Variants in EFR3B observed in about 807,000 individuals in gnomAD.
EFR3B encodes protein EFR3 homolog B.
Under a neutral mutation model 104.7 loss-of-function variants are expected in EFR3B, and 64 were observed. The observed-to-expected ratio is 0.61, with a 90% CI of 0.50 to 0.75. EFR3B has a LOEUF of 0.75. Among genes scored for constraint, EFR3B ranks in the 30% least tolerant of loss-of-function variants. The probability of loss-of-function intolerance (pLI) is 0.00; values close to 1 mark genes in which losing one functional copy is unlikely to be tolerated. For missense variants in EFR3B, 750 were observed against 1,078.5 expected, an observed-to-expected ratio of 0.70 and a Z score of 4.27; for synonymous variants, 385 against 417.9, an observed-to-expected ratio of 0.92 and a Z score of 0.96.
intron 1 of EFR3B, among the ~76,000 whole-genome samples, chr2:25,072,286 T>C (rs942808406): frequency 6.6e-6 from 1 of 152,126 alleles, no homozygotes; most frequent in Non-Finnish European, 1.5e-5. Context: ...TCTTTTCTTA[T>C]CTTTATCTTT....
chr2:25,144,110 T>C (rs921795620), intron 18 of EFR3B, among the ~76,000 whole-genome samples: 2 of 152,152 alleles, frequency 1.3e-5, no homozygotes, highest in Non-Finnish European at 2.9e-5. Flanking sequence ...AGAGGTTCCA[T>C]TGTGCTGGAA....
intron 1 of EFR3B, among the ~76,000 whole-genome samples, chr2:25,053,032 C>G (rs977769744): frequency 6.6e-6 from 1 of 152,182 alleles, no homozygotes; most frequent in Admixed American, 6.5e-5. Context: ...AGAGTGTGGA[C>G]TCAGCCTCCT....
chr2:25,065,854 T>C (rs1256183978), intron 1 of EFR3B, among the ~76,000 whole-genome samples: 2 of 152,008 alleles, frequency 1.3e-5, no homozygotes, highest in Non-Finnish European at 2.9e-5. Flanking sequence ...AATGGGCAGG[T>C]GCTGGGAGGC....
chr2:25,092,882 C>T (rs996232481), intron 2 of EFR3B, 121 bp from the exon 3 acceptor site: 26 of 1,261,962 alleles, frequency 2.1e-5, no homozygotes, highest in Middle Eastern at 2.5e-4. Context: ...ACATGTGCTC[C>T]GGCACATCCA....
At chr2:25,076,990 A>G (rs1459204234) in intron 1 of EFR3B, among the ~76,000 whole-genome samples, 1 of 152,082 alleles carries the variant, frequency 6.6e-6, no homozygotes, top group African/African-American at 2.4e-5. Context: ...TCCTTCCCCA[A>G]ATTCATTTTC....
chr2:25,131,626 G>C lies in EFR3B; in HGVS notation c.985+123G>C. The C allele has an allele frequency of 6.7e-7, 1 of 1,495,766 alleles. No individual in the cohort carries two copies. Among genetic ancestry groups the C allele is most frequent in the Non-Finnish European group, 9.0e-7 (1 of 1,116,402 alleles). 92.7% of individuals were successfully genotyped at this position (1,495,766 alleles called of 1,614,324 possible). A position where few individuals can be genotyped will look rare whatever the true frequency, so the allele number is the denominator to read the frequency against. On this transcript the variant is annotated intron_variant, in intron 9 of 22. Coordinates refer to ENST00000403714, the MANE Select transcript of EFR3B (RefSeq NM_014971.2). The surrounding 1 kb of genome is among the most constrained non-coding windows in gnomAD (Gnocchi z 7.6). ...GTTTTCCTCGGGAGAAGTCCGCCAG[G>C]AAGTTGGGAGCGCAGAGGAAGCCCA...
intron 4 of EFR3B, among the ~76,000 whole-genome samples, chr2:25,113,958 ATAAT>A (rs1669793588): frequency 6.6e-6 from 1 of 152,154 alleles, no homozygotes; most frequent in Non-Finnish European, 1.5e-5. Flanking sequence ...CACCCTACTA[ATAAT>A]TAGGATTCAA....
chr2:25,131,650 C>T lies in EFR3B; in HGVS notation c.986-100C>T. ...GGAAGTTGGGAGCGCAGAGGAAGCC[C>T]AGGCTGGAAGGGGGCGTGACCCTGC... On this transcript the variant is annotated intron_variant, in intron 9 of 22. Coordinates refer to ENST00000403714, the MANE Select transcript of EFR3B (RefSeq NM_014971.2). This position sits in a 1 kb window ranked among gnomAD's most constrained non-coding sequence, Gnocchi z 7.6. The T allele has an allele frequency of 1.3e-6, 2 of 1,488,332 alleles. No individual in the cohort carries two copies. The highest frequency in any genetic ancestry group is 1.8e-6 in the Non-Finnish European group (2 of 1,112,530). The allele number at this position is 1,488,332 out of a possible 1,614,324, so 92.2% of individuals were successfully genotyped here. A position where few individuals can be genotyped will look rare whatever the true frequency, so the allele number is the denominator to read the frequency against.
At chr2:25,100,497 A>G (rs921532499) in intron 3 of EFR3B, among the ~76,000 whole-genome samples, 1 of 151,528 alleles carries the variant, frequency 6.6e-6, no homozygotes, top group Admixed American at 6.6e-5. Context: ...CCTCCCCTGT[A>G]TTTTCTTTTT....
chr2:25,062,632 C>T lies in EFR3B; in HGVS notation c.7+20313C>T, dbSNP rs1007689254. On this transcript the variant is annotated intron_variant, in intron 1 of 22. Coordinates refer to ENST00000403714, the MANE Select transcript of EFR3B (RefSeq NM_014971.2). ...CTCATTGAGAACTGCTGGTCAGGGC[C>T]GCAGGCTACTAGACAACTTACGTGC... 9.9e-5 allele frequency among the ~76,000 whole-genome samples: 15 copies of T among 152,268 alleles called. No homozygotes were observed. The East Asian group carries it at 1.4e-3, about 14-fold the overall frequency.
chr2:25,111,465 A>G (rs1202523550), intron 4 of EFR3B, among the ~76,000 whole-genome samples: 1 of 151,074 alleles, frequency 6.6e-6, no homozygotes, highest in Non-Finnish European at 1.5e-5. Context: ...CAGGCCTGTC[A>G]CTCCACCTCT....
rs1669047351 is a variant in EFR3B at position 25,089,283 on chromosome 2, G to GT, written c.8-2041dup. On this transcript the variant is annotated intron_variant, in intron 1 of 22. Coordinates refer to ENST00000403714, the MANE Select transcript of EFR3B (RefSeq NM_014971.2). ...GGGGCACTGTGTGGAAGTTTCTACC[G>GT]TGAGTACCCAGGATGGTATTGAGCT... Among the ~76,000 whole-genome samples, 4 of 152,148 alleles carry GT rather than the reference G, an allele frequency of 2.6e-5. No individual in the cohort carries two copies. The South Asian group carries it at 8.3e-4, about 32-fold the overall frequency.
At chr2:25,144,802 G>A (rs911589433) in intron 18 of EFR3B, among the ~76,000 whole-genome samples, 158 bp from the exon 19 acceptor site, 9 of 152,148 alleles carry the variant, frequency 5.9e-5, no homozygotes, top group African/African-American at 1.7e-4. Context: ...CACAGCAATC[G>A]GAAGCTTCTA....
rs183888976 is a variant in EFR3B, at chr2:25,068,639, T to G, written c.8-22686T>G. Among the ~76,000 whole-genome samples the G allele has an allele frequency of 5.3e-3, 802 of 151,882 alleles. 7 individuals carry two copies. Among genetic ancestry groups the G allele is most frequent in the African/African-American group, 0.019 (769 of 41,430 alleles). On this transcript the variant is annotated intron_variant, in intron 1 of 22. Transcript: ENST00000403714. ...TCACTTTTGTTTTTTTTATGTTTTT[T>G]TTTTTTTTGAGACAGATTCTCGCTC...
At chr2:25,055,661 C>T (rs1667997285) in intron 1 of EFR3B, among the ~76,000 whole-genome samples, 1 of 152,180 alleles carries the variant, frequency 6.6e-6, no homozygotes, top group Non-Finnish European at 1.5e-5. Context: ...ATTGCATGAA[C>T]AATAATCCCT....
At chr2:25,132,573 C>G (rs1488010283) in intron 10 of EFR3B, among the ~76,000 whole-genome samples, 1 of 152,024 alleles carries the variant, frequency 6.6e-6, no homozygotes, top group Non-Finnish European at 1.5e-5. Context: ...AAGCACCCAA[C>G]GAGAACTCGG....
chr2:25,137,999 C>T lies in EFR3B; in HGVS notation c.1722+497C>T, dbSNP rs1190896555. 6.6e-6 allele frequency among the ~76,000 whole-genome samples: 1 copy of T among 152,000 alleles called. No homozygotes were observed. Among genetic ancestry groups the T allele is most frequent in the Non-Finnish European group, 1.5e-5 (1 of 68,008 alleles). ...CCAGCCTGGCCAACATGGTGAAACC[C>T]CGTCTCCACTAAAAATACAAAAATT... On this transcript the variant is annotated intron_variant, in intron 15 of 22. Coordinates refer to ENST00000403714, the MANE Select transcript of EFR3B (RefSeq NM_014971.2). The surrounding 1 kb of genome is among the most constrained non-coding windows in gnomAD (Gnocchi z 4.7).
intron 4 of EFR3B, among the ~76,000 whole-genome samples, chr2:25,104,872 C>T (rs997614585): frequency 6.6e-5 from 10 of 152,150 alleles, no homozygotes; most frequent in South Asian, 2.1e-4. Flanking sequence ...CAAATGGCTG[C>T]GGTCGTGGGA....
chr2:25,043,477 G>GC (rs1342326428), intron 1 of EFR3B, among the ~76,000 whole-genome samples: 1 of 152,158 alleles, frequency 6.6e-6, no homozygotes, highest in Middle Eastern at 3.2e-3. Flanking sequence ...CAATTGGTGG[G>GC]CCCCCCTACT....
Sources: gnomAD v4.1 joint callset for allele counts (sites outside exome capture counted in the v4.1 genomes callset) on GRCh38, gnomAD v4.1.1 for gene constraint, Gnocchi (gnomAD v3.1) non-coding constraint, MANE v1.5 for transcripts, NCBI Gene and HGNC (gene_info 2026-07-23, HGNC 2026-07-21) for gene names.